GPR89B: variants seen among roughly 807,000 people sequenced by gnomAD.
The protein encoded by GPR89B is golgi pH regulator B, also known as G protein-coupled receptor 89B.
A neutral mutation model predicts 52.4 loss-of-function variants in GPR89B; 25 were observed. The ratio of observed to expected loss-of-function variants is 0.48; its 90% CI spans 0.35 to 0.67. The LOEUF (loss-of-function observed/expected upper bound fraction) is 0.67, where lower values mean the gene tolerates loss of function less well. Among genes scored for constraint, GPR89B ranks in the 30% least tolerant of loss-of-function variants. The probability of loss-of-function intolerance (pLI) is 0.01; values close to 1 mark genes in which losing one functional copy is unlikely to be tolerated. For synonymous variants in GPR89B, 52 were observed against 151.2 expected (o/e 0.34, Z 4.81); for missense variants, 146 against 450.2 (o/e 0.32, Z 6.11).
At chr1:148,010,642 A>T in the GPR89B span, 81 of 152,400 alleles carry the variant, frequency 5.3e-4, 1 homozygote, top group South Asian at 1.7e-3. Context: ...AGAATTTGTG[A>T]TTGTCTCAAG....
chr1:147,937,819 C>T (rs1553248219), intron 2 of GPR89B, among the ~76,000 whole-genome samples: 1 of 152,100 alleles, frequency 6.6e-6, no homozygotes, highest in Non-Finnish European at 1.5e-5. Flanking sequence ...GTACAGTTAA[C>T]GCAATCATCA....
chr1:147,937,914 A>G (rs1553248236), intron 2 of GPR89B, among the ~76,000 whole-genome samples: 1 of 152,246 alleles, frequency 6.6e-6, no homozygotes, highest in African/African-American at 2.4e-5. Flanking sequence ...AGAAATTTAA[A>G]AAGTATTAAT....
chr1:147,979,987 A>G (rs1465112990), intron 10 of GPR89B, among the ~76,000 whole-genome samples: 2 of 151,250 alleles, frequency 1.3e-5, no homozygotes, highest in East Asian at 1.9e-4. Flanking sequence ...TCAGGAGGCT[A>G]TGGTGGGAGG....
At chr1:148,002,238 A>T in the GPR89B span, among the ~76,000 whole-genome samples, 6 of 152,026 alleles carry the variant, frequency 3.9e-5, no homozygotes, top group Admixed American at 2.0e-4. Flanking sequence ...ACACTTGGCA[A>T]CTGATTTTTC....
chr1:147,954,738 T>C (rs1423840438), intron 7 of GPR89B, among the ~76,000 whole-genome samples: 1 of 152,304 alleles, frequency 6.6e-6, no homozygotes, highest in Admixed American at 6.5e-5. Context: ...ATCTCATTTC[T>C]TGAATTTAGA....
chr1:147,994,881 A>G (rs1164977123), downstream of GPR89B, among the ~76,000 whole-genome samples: 1 of 152,034 alleles, frequency 6.6e-6, no homozygotes, highest in Non-Finnish European at 1.5e-5. Context: ...ATTGAATTAA[A>G]CTTTTTTAGA....
At chr1:147,974,269 C>T (rs1398605531) in intron 10 of GPR89B, among the ~76,000 whole-genome samples, 1 of 136,944 alleles carries the variant, frequency 7.3e-6, no homozygotes, top group East Asian at 2.2e-4. Context: ...GGCAGTATGG[C>T]CATTTTCATG....
At chr1:147,931,393 G>A (rs1356572381) in intron 1 of GPR89B, among the ~76,000 whole-genome samples, 2 of 152,066 alleles carry the variant, frequency 1.3e-5, no homozygotes, top group Non-Finnish European at 2.9e-5. Flanking sequence ...TCAAGACTCT[G>A]TACAATTCTG....
At chr1:147,960,459 A>C (rs1285260729) in intron 7 of GPR89B, among the ~76,000 whole-genome samples, 1 of 152,162 alleles carries the variant, frequency 6.6e-6, no homozygotes, top group Admixed American at 6.5e-5. Context: ...TTTAAAAAAC[A>C]ACAAAATAGA....
At chr1:147,945,271 T>G (rs1654873856) in intron 5 of GPR89B, among the ~76,000 whole-genome samples, 1 of 143,572 alleles carries the variant, frequency 7.0e-6, no homozygotes, top group Admixed American at 7.1e-5. Context: ...ACCTAGGTAA[T>G]ATTTAAAACC....
rs1658663909 is a variant in GPR89B, at chr1:147,986,298, A to G, written c.1005+4A>G. ...TTATCTGGGAATCCAATTTGATGTAAGTGTTATATCAAGATCCTGGTTTGT... is the reference window on the plus strand; with the variant it reads ...TTATCTGGGAATCCAATTTGATGTAGGTGTTATATCAAGATCCTGGTTTGT... On this transcript the variant is annotated splice_donor_region_variant and intron_variant, in intron 11 of 13. Transcript: ENST00000314163. The G allele has an allele frequency of 2.5e-6, 4 of 1,610,926 alleles. No individual in the cohort carries two copies. The African/African-American group carries it at 4.0e-5, about 16-fold the overall frequency.
chr1:148,019,147 T>C, the GPR89B span, among the ~76,000 whole-genome samples: 20 of 151,160 alleles, frequency 1.3e-4, no homozygotes, highest in East Asian at 3.9e-3. Flanking sequence ...CAGCTAATTT[T>C]TGTATTTTTA....
intron 10 of GPR89B, among the ~76,000 whole-genome samples, chr1:147,977,148 G>A (rs1657891713): frequency 7.0e-6 from 1 of 143,042 alleles, no homozygotes; most frequent in African/African-American, 2.6e-5. Context: ...GCAGGAGAAT[G>A]GCATGAACCC....
intron 10 of GPR89B, among the ~76,000 whole-genome samples, chr1:147,978,484 A>G (rs1451140963): frequency 1.3e-5 from 2 of 151,484 alleles, no homozygotes; most frequent in Non-Finnish European, 2.9e-5. Context: ...TTAAGGAAGC[A>G]CTCTGACTGC....
chr1:148,001,753 G>A, the GPR89B span, among the ~76,000 whole-genome samples: 13 of 150,736 alleles, frequency 8.6e-5, no homozygotes, highest in South Asian at 1.1e-3. Flanking sequence ...GGGTCTTAAC[G>A]AAAATAATCC....
At chr1:147,968,131 T>A (rs1657163760) in intron 8 of GPR89B, 2 of 382,612 alleles carry the variant, frequency 5.2e-6, no homozygotes, top group Admixed American at 6.7e-5. Flanking sequence ...GTGTTAGTGA[T>A]GAGTTAACAA....
the GPR89B span, among the ~76,000 whole-genome samples, chr1:148,002,851 C>T: frequency 5.3e-5 from 8 of 152,186 alleles, no homozygotes; most frequent in Non-Finnish European, 7.3e-5. Flanking sequence ...GAATGATCTT[C>T]CTTATCCCAG....
chr1:147,970,581 AGAAT>A, intron 10 of GPR89B, among the ~76,000 whole-genome samples: 1 of 149,732 alleles, frequency 6.7e-6, no homozygotes, highest in African/African-American at 2.5e-5. Flanking sequence ...ATATATATAT[AGAAT>A]GTGAACATTT....
chr1:147,992,597 C>T (rs1450809203), intron 13 of GPR89B, 30 bp downstream of exon 13: 167 of 1,611,546 alleles, frequency 1.0e-4, no homozygotes, highest in Non-Finnish European at 1.3e-4. Flanking sequence ...TTTATGTTGA[C>T]AGCTGTAAAA....
Sources: gnomAD v4.1 joint callset for allele counts (sites outside exome capture counted in the v4.1 genomes callset) on GRCh38, gnomAD v4.1.1 for gene constraint, MANE v1.5 for transcripts, NCBI Gene and HGNC (gene_info 2026-07-23, HGNC 2026-07-21) for gene names.